Variants in ANXA4 observed in about 807,000 individuals in gnomAD.
ANXA4 encodes the protein annexin A4.
ANXA4 carries 39 observed loss-of-function variants against 49.8 expected under a neutral mutation model. That is an observed-to-expected ratio of 0.78 (90% CI 0.61 to 1.02). The LOEUF (loss-of-function observed/expected upper bound fraction) is 1.02. Among genes scored for constraint, ANXA4 ranks in the 50% least tolerant of loss-of-function variants. The pLI, the probability that ANXA4 is intolerant of heterozygous loss-of-function variation, is 0.00. For synonymous variants in ANXA4, 134 were observed against 152.5 expected (o/e 0.88, Z 0.89); for missense variants, 360 against 410.1 (o/e 0.88, Z 1.05).
At chr2:69,771,240 G>A (rs1573226774) in intron 1 of ANXA4, among the ~76,000 whole-genome samples, 1 of 152,218 alleles carries the variant, frequency 6.6e-6, no homozygotes, top group Admixed American at 6.5e-5. Flanking sequence ...GAACAAGGGA[G>A]TATTAGATGG....
chr2:69,744,280 C>G (rs142538272), intron 1 of ANXA4, among the ~76,000 whole-genome samples: 5 of 152,194 alleles, frequency 3.3e-5, no homozygotes, highest in African/African-American at 1.2e-4. Flanking sequence ...GCACTGCAGC[C>G]TGGGTAATAG....
At chr2:69,689,878 C>A (rs1423932106) in intron 2 of ANXA4, among the ~76,000 whole-genome samples, 1 of 152,050 alleles carries the variant, frequency 6.6e-6, no homozygotes, top group Non-Finnish European at 1.5e-5. Flanking sequence ...TATCTACTTC[C>A]CAACAAAGTC....
intron 8 of ANXA4, among the ~76,000 whole-genome samples, chr2:69,813,215 T>C (rs1673785565): frequency 6.6e-6 from 1 of 151,972 alleles, no homozygotes; most frequent in Admixed American, 6.6e-5. Flanking sequence ...TAATAAAAAG[T>C]GGGTCATTAC....
At chr2:69,807,761 C>A in intron 5 of ANXA4, 145 bp from the exon 6 acceptor site, 1 of 656,384 alleles carries the variant, frequency 1.5e-6, no homozygotes, top group Non-Finnish European at 2.6e-6. Context: ...TCGGGTGGGA[C>A]AATAAAAGTG....
Position 69,826,342 on chromosome 2 carries a change from TA to T in ANXA4, c.*832del, listed in dbSNP as rs1471205121. On this transcript the variant is annotated 3_prime_UTR_variant, in exon 13 of 13. Transcript: ENST00000394295. ...TGATATAAAGAAAACTTTTTTGTGC[TA>T]AAAATACTTTTTAAAATCAATTTTG... 8 of 152,678 alleles carry T rather than the reference TA, an allele frequency of 5.2e-5. No homozygotes were observed. Among genetic ancestry groups the T allele is most frequent in the African/African-American group, 1.9e-4 (8 of 41,462 alleles). The allele number at this position is 152,678 out of a possible 1,614,324, so 9.5% of individuals were successfully genotyped here.
intron 1 of ANXA4, among the ~76,000 whole-genome samples, chr2:69,651,640 C>T (rs1676238711): frequency 6.6e-6 from 1 of 151,654 alleles, no homozygotes; most frequent in African/African-American, 2.4e-5. Context: ...GTAGCTGGGA[C>T]TACAGGCTCC....
chr2:69,806,619 C>T (rs532861547), intron 5 of ANXA4, 121 bp downstream of exon 5: 10 of 724,814 alleles, frequency 1.4e-5, no homozygotes, highest in Admixed American at 9.1e-5. Context: ...CAATGGTAGA[C>T]TGGATAAAGA....
At chr2:69,759,874 C>T (rs1442040103) in intron 1 of ANXA4, among the ~76,000 whole-genome samples, 2 of 152,026 alleles carry the variant, frequency 1.3e-5, no homozygotes, top group Non-Finnish European at 2.9e-5. Flanking sequence ...GCTCTATCGC[C>T]CAGGCTGGAG....
At chr2:69,793,664 G>C (rs1381589974) in intron 3 of ANXA4, among the ~76,000 whole-genome samples, 4 of 152,178 alleles carry the variant, frequency 2.6e-5, no homozygotes. Flanking sequence ...AGCAAGCATA[G>C]CCAGAAGACA....
At chr2:69,766,341 C>T (rs1158480944) in intron 1 of ANXA4, among the ~76,000 whole-genome samples, 2 of 152,192 alleles carry the variant, frequency 1.3e-5, no homozygotes, top group East Asian at 1.9e-4. Flanking sequence ...ATGTCTGCAC[C>T]ATTCTAAGTA....
intron 1 of ANXA4, among the ~76,000 whole-genome samples, chr2:69,748,148 G>A (rs1258837797): frequency 6.6e-6 from 1 of 151,992 alleles, no homozygotes; most frequent in Non-Finnish European, 1.5e-5. Context: ...GGCTGAGGCG[G>A]GTGGATCACG....
At chr2:69,717,873 C>A (rs1462893099) in intron 2 of ANXA4, among the ~76,000 whole-genome samples, 2 of 152,164 alleles carry the variant, frequency 1.3e-5, no homozygotes, top group East Asian at 3.8e-4. Flanking sequence ...GAGACGTACA[C>A]AACCTATGCA....
intron 2 of ANXA4, among the ~76,000 whole-genome samples, chr2:69,671,220 G>T (rs948426730): frequency 1.3e-5 from 2 of 151,924 alleles, no homozygotes; most frequent in African/African-American, 4.8e-5. Flanking sequence ...ATAAATTTGA[G>T]ACTACATTAA....
chr2:69,770,102 T>C (rs1671650388), intron 1 of ANXA4, among the ~76,000 whole-genome samples: 1 of 152,244 alleles, frequency 6.6e-6, no homozygotes. Flanking sequence ...TCGATTCTTA[T>C]TTAAGATGGC....
At chr2:69,708,887 C>T (rs1191038091) in intron 2 of ANXA4, among the ~76,000 whole-genome samples, 6 of 151,946 alleles carry the variant, frequency 3.9e-5, no homozygotes, top group Admixed American at 6.6e-5. Flanking sequence ...AAGGGTCACA[C>T]GTGCCTATAA....
intron 1 of ANXA4, among the ~76,000 whole-genome samples, chr2:69,778,800 AAAAGAG>A (rs1672075130): frequency 6.8e-6 from 1 of 147,292 alleles, no homozygotes. Flanking sequence ...AAAAAAAAAA[AAAAGAG>A]AAATCAGAGG....
chr2:69,748,516 T>G (rs1670712546), intron 1 of ANXA4, among the ~76,000 whole-genome samples: 1 of 150,588 alleles, frequency 6.6e-6, no homozygotes, highest in African/African-American at 2.4e-5. Flanking sequence ...ATTATAACTA[T>G]CTTTTATAAA....
rs1673522855 is a variant in ANXA4 at position 69,808,003 on chromosome 2, G to T, written c.397+7G>T. The stretch of plus-strand genomic sequence containing the variant: ...AGCCAAACCTACCAGCAGCGTACGT[G>T]ACATCCGCAGTGGCCCTGGCTGAGG... On this transcript the variant is annotated splice_region_variant and intron_variant, in intron 6 of 12. Coordinates refer to ENST00000394295, the MANE Select transcript of ANXA4 (RefSeq NM_001153.5). 1.2e-6 allele frequency: 2 copies of T among 1,613,776 alleles called. No homozygotes were observed. Among genetic ancestry groups the T allele is most frequent in the South Asian group, 2.2e-5 (2 of 91,056 alleles).
At chr2:69,788,005 T>G in intron 2 of ANXA4, 49 bp from the exon 3 acceptor site, 1 of 1,505,172 alleles carries the variant, frequency 6.6e-7, no homozygotes, top group Non-Finnish European at 9.2e-7. Context: ...GATGCCTCCG[T>G]GTTGGTGAGA....
Sources: allele counts gnomAD v4.1 joint callset (sites outside exome capture counted in the v4.1 genomes callset), GRCh38; gene constraint gnomAD v4.1.1; transcripts MANE v1.5; gene names NCBI Gene and HGNC (gene_info 2026-07-23, HGNC 2026-07-21).